Variants in KIAA1958 observed in about 807,000 individuals in gnomAD.
KIAA1958 encodes the protein uncharacterized protein KIAA1958.
Under a neutral mutation model 47.2 loss-of-function variants are expected in KIAA1958, and 14 were observed. The ratio of observed to expected loss-of-function variants is 0.30; its 90% CI spans 0.20 to 0.46. The LOEUF (loss-of-function observed/expected upper bound fraction) is 0.46. Among genes scored for constraint, KIAA1958 ranks in the 20% least tolerant of loss-of-function variants. The pLI, the probability that KIAA1958 is intolerant of heterozygous loss-of-function variation, is 1.00. For missense variants in KIAA1958, 803 were observed against 909.2 expected, an observed-to-expected ratio of 0.88 and a Z score of 1.50; for synonymous variants, 354 against 353.3, an observed-to-expected ratio of 1.00 and a Z score of -0.02.
intron 1 of KIAA1958, among the ~76,000 whole-genome samples, chr9:112,569,512 A>G (rs1394311703): frequency 6.6e-6 from 1 of 152,196 alleles, no homozygotes; most frequent in Non-Finnish European, 1.5e-5. Context: ...AGTTTGTATC[A>G]TTGCCATATC....
chr9:112,613,264 G>A (rs981077008), intron 2 of KIAA1958, among the ~76,000 whole-genome samples: 17 of 152,006 alleles, frequency 1.1e-4, no homozygotes, highest in Non-Finnish European at 1.9e-4. Context: ...GATCCTTATT[G>A]AAAAAAATCT....
intron 1 of KIAA1958, among the ~76,000 whole-genome samples, chr9:112,497,383 C>T (rs556890513): frequency 2.7e-4 from 41 of 152,202 alleles, no homozygotes; most frequent in Non-Finnish European, 3.2e-4. Flanking sequence ...ACATTAGGGA[C>T]ATGCACATAG....
At chr9:112,538,022 G>A (rs192644409) in intron 1 of KIAA1958, among the ~76,000 whole-genome samples, 99 of 152,170 alleles carry the variant, frequency 6.5e-4, no homozygotes, top group Non-Finnish European at 1.1e-3. Flanking sequence ...TGAGCAGACT[G>A]AATTTTGCCA....
chr9:112,524,248 C>T (rs1834602833), intron 1 of KIAA1958, among the ~76,000 whole-genome samples: 1 of 152,206 alleles, frequency 6.6e-6, no homozygotes. Context: ...CAACCAAGGA[C>T]ATGTGAAAAC....
chr9:112,562,208 T>G (rs1835344422), intron 1 of KIAA1958, among the ~76,000 whole-genome samples: 1 of 152,356 alleles, frequency 6.6e-6, no homozygotes, highest in East Asian at 1.9e-4. Flanking sequence ...TAATTTCAGG[T>G]GAGCAATTAT....
At position 112,660,981 on chromosome 9, in the gene KIAA1958, G is replaced by A; in HGVS notation, c.*912G>A. 6.6e-6 allele frequency: 1 copy of A among 152,256 alleles called. No homozygotes were observed. 9.4% of individuals were successfully genotyped at this position (152,256 alleles called of 1,614,324 possible). A position where few individuals can be genotyped will look rare whatever the true frequency, so the allele number is the denominator to read the frequency against. Reference sequence around the variant, plus strand: ...TTCGTGTCATCCCATTATTCGGTCAGCATATACCACTGGATCTATAAAACA... The same window carrying A: ...TTCGTGTCATCCCATTATTCGGTCAACATATACCACTGGATCTATAAAACA... On this transcript the variant is annotated 3_prime_UTR_variant, in exon 4 of 4. Transcript: ENST00000337530.
At chr9:112,560,503 A>G (rs1835309709) in intron 1 of KIAA1958, among the ~76,000 whole-genome samples, 1 of 152,030 alleles carries the variant, frequency 6.6e-6, no homozygotes, top group Non-Finnish European at 1.5e-5. Flanking sequence ...CATTTTTGAT[A>G]TAGTATCAGT....
In KIAA1958 at chr9:112,574,589, T is replaced by C; in HGVS notation, c.509T>C (p.Ile170Thr). The C allele has an allele frequency of 1.9e-6, 3 of 1,614,158 alleles. No individual in the cohort carries two copies. The highest frequency in any genetic ancestry group is 2.5e-6 in the Non-Finnish European group (3 of 1,180,020). The change falls in exon 2 of 4, where the codon ATT (isoleucine) becomes ACT (threonine). Residue 170 changes from isoleucine (I) to threonine (T), a missense_variant. Ile to Thr is a moderately conservative substitution (Grantham distance 89). This residue lies in a region of KIAA1958 where 761 missense variants were observed against 829.3 expected (regional missense o/e 0.92). Coordinates refer to ENST00000337530, the MANE Select transcript of KIAA1958 (RefSeq NM_133465.4). ...FEPQTQRPQSIARKRPGVVPS... is the reference protein window; with the variant it reads ...FEPQTQRPQSTARKRPGVVPS... ...CCCCAAACCCAAAGGCCTCAAAGCA[T>C]TGCTCGCAAAAGACCTGGGGTAGTC...
rs1588042404 is a variant in KIAA1958 at position 112,618,802 on chromosome 9, C to G, written c.1172-26848C>G. ...TGTCTGAGGCCCAGAGCAACCAGCT[C>G]GTGCTGATCTGTAACAATCTGAGCC... is the stretch of plus-strand genomic sequence containing the variant. On this transcript the variant is annotated intron_variant, in intron 2 of 3. Coordinates refer to ENST00000337530, the MANE Select transcript of KIAA1958 (RefSeq NM_133465.4). The surrounding 1 kb of genome is among the most constrained non-coding windows in gnomAD (Gnocchi z 7.1). The G allele has an allele frequency of 6.4e-7, 1 of 1,550,638 alleles. No homozygotes were observed. The highest frequency in any genetic ancestry group is 8.7e-7 in the Non-Finnish European group (1 of 1,147,004).
chr9:112,498,445 C>G (rs1001819773), intron 1 of KIAA1958, among the ~76,000 whole-genome samples: 1 of 152,094 alleles, frequency 6.6e-6, no homozygotes, highest in African/African-American at 2.4e-5. Context: ...AAATTTAGAC[C>G]AGTTTACTAC....
At chr9:112,631,877 A>G (rs891553897) in intron 2 of KIAA1958, among the ~76,000 whole-genome samples, 9 of 152,178 alleles carry the variant, frequency 5.9e-5, no homozygotes, top group Non-Finnish European at 1.3e-4. Context: ...AATCTATTTT[A>G]TAGTGCTGTT....
chr9:112,495,562 T>C (rs1350551239), intron 1 of KIAA1958, among the ~76,000 whole-genome samples: 5 of 152,256 alleles, frequency 3.3e-5, no homozygotes, highest in Admixed American at 3.3e-4. Context: ...TGCACTGCTA[T>C]TCAAAGTGTA....
intron 1 of KIAA1958, among the ~76,000 whole-genome samples, chr9:112,538,956 C>A (rs1323302036): frequency 1.3e-5 from 2 of 152,176 alleles, no homozygotes; most frequent in Non-Finnish European, 2.9e-5. Context: ...TGTTCAGCAG[C>A]ATCAGTCATA....
chr9:112,574,927 A>G lies in KIAA1958; in HGVS notation c.847A>G (p.Lys283Glu). The change falls in exon 2 of 4, where the codon AAG (lysine) becomes GAG (glutamate). Residue 283 changes from lysine to glutamate, a missense_variant. Around this residue, in one of 2 missense-constraint regions of KIAA1958, gnomAD observed 761 missense variants for 829.3 expected, o/e 0.92. Transcript: ENST00000337530. ...TGTGATCTCCAGACCAATTGTCCAG[A>G]AGACTGCTAGGGTATCTCTGGCTTC... ...PSVISRPIVQKTARVSLASPN... is the reference protein window; with the variant it reads ...PSVISRPIVQETARVSLASPN... The G allele has an allele frequency of 6.2e-7, 1 of 1,614,006 alleles. No homozygotes were observed. Among genetic ancestry groups the G allele is most frequent in the Non-Finnish European group, 8.5e-7 (1 of 1,179,962 alleles).
At chr9:112,611,347 A>C (rs906868124) in intron 2 of KIAA1958, among the ~76,000 whole-genome samples, 1 of 152,186 alleles carries the variant, frequency 6.6e-6, no homozygotes, top group Admixed American at 6.5e-5. Context: ...TACTTGCAGA[A>C]CCCAAGATTA....
At chr9:112,631,156 A>G (rs1412495482) in intron 2 of KIAA1958, among the ~76,000 whole-genome samples, 2 of 151,444 alleles carry the variant, frequency 1.3e-5, no homozygotes, top group Admixed American at 1.3e-4. Context: ...TTGGTGATAT[A>G]TCATCTCAAA....
In KIAA1958 at chr9:112,502,836, CATT is replaced by C. The variant is rs1412118626; in HGVS notation, c.-25+15722_-25+15724del. Among the ~76,000 whole-genome samples the C allele has an allele frequency of 1.1e-4, 17 of 152,298 alleles. No individual in the cohort carries two copies. In the East Asian group the frequency reaches 3.3e-3, roughly 29 times the overall value. ...AAGTTTGCTGACCCCTGCATTAGAG[CATT>C]ATTTAGAATACTAAAAGATTGGCAG... On this transcript the variant is annotated intron_variant, in intron 1 of 3. Coordinates refer to ENST00000337530, the MANE Select transcript of KIAA1958 (RefSeq NM_133465.4).
chr9:112,543,803 C>T (rs1333681281), intron 1 of KIAA1958, among the ~76,000 whole-genome samples: 1 of 152,048 alleles, frequency 6.6e-6, no homozygotes, highest in Non-Finnish European at 1.5e-5. Context: ...GAACTTCCGA[C>T]CTCAGATGAT....
chr9:112,553,140 C>CCCTCT (rs1280853007), intron 1 of KIAA1958, among the ~76,000 whole-genome samples: 2 of 143,818 alleles, frequency 1.4e-5, no homozygotes, highest in Non-Finnish European at 3.1e-5. Flanking sequence ...CCCTCCCCTC[C>CCCTCT]CCTCTGCTCC....
Sources: gnomAD v4.1 joint callset for allele counts (sites outside exome capture counted in the v4.1 genomes callset) on GRCh38, gnomAD v4.1.1 for gene constraint, gnomAD v4.1.1 regional missense constraint, Gnocchi (gnomAD v3.1) non-coding constraint, MANE v1.5 for transcripts, NCBI Gene and HGNC (gene_info 2026-07-23, HGNC 2026-07-21) for gene names.